The following ARL15 variants were observed in gnomAD, a reference collection of about 807,000 sequenced individuals.
The protein encoded by ARL15 is ARF like GTPase 15.
ARL15 carries 19 observed loss-of-function variants against 25.2 expected under a neutral mutation model. The observed-to-expected ratio is 0.75, with a 90% CI of 0.53 to 1.10. The LOEUF is 1.10. Ranked by LOEUF, ARL15 falls within the 50% of genes least tolerant of loss-of-function variation. The pLI is 0.00. For missense variants in ARL15, 220 were observed against 246.0 expected, an observed-to-expected ratio of 0.89 and a Z score of 0.71; for synonymous variants, 94 against 86.8, an observed-to-expected ratio of 1.08 and a Z score of -0.46.
At chr5:53,914,242 G>A (rs1745558565) in intron 4 of ARL15, among the ~76,000 whole-genome samples, 1 of 151,910 alleles carries the variant, frequency 6.6e-6, no homozygotes, top group Admixed American at 6.6e-5. Flanking sequence ...AAAGCTTGGT[G>A]GTATAGCAGT....
intron 1 of ARL15, among the ~76,000 whole-genome samples, chr5:54,260,814 A>G (rs28379683): frequency 1.2e-3 from 176 of 152,276 alleles, no homozygotes; most frequent in African/African-American, 4.0e-3. Flanking sequence ...AGGACAAGTG[A>G]CAAATGTGTC....
At chr5:54,263,830 C>T (rs1333211533) in intron 1 of ARL15, among the ~76,000 whole-genome samples, 2 of 152,038 alleles carry the variant, frequency 1.3e-5, no homozygotes, top group Non-Finnish European at 2.9e-5. Flanking sequence ...ATGGCACCTC[C>T]AACTCACACA....
In ARL15 at chr5:54,220,872, G is replaced by A. The variant is rs146269047; in HGVS notation, c.49-48944C>T. On this transcript the variant is annotated intron_variant, in intron 1 of 4. Coordinates refer to ENST00000504924, the MANE Select transcript of ARL15 (RefSeq NM_019087.3). ...GGTGAGATCCGCAGTGCCGACTCTCGTCCTGGCACTAAGATAGATAAGTCC... is the reference window on the plus strand; with the variant it reads ...GGTGAGATCCGCAGTGCCGACTCTCATCCTGGCACTAAGATAGATAAGTCC... 5.2e-3 allele frequency among the ~76,000 whole-genome samples: 785 copies of A among 151,958 alleles called. 6 individuals carry two copies. Among genetic ancestry groups the A allele is most frequent in the African/African-American group, 0.018 (733 of 41,464 alleles).
chr5:54,068,330 C>G (rs1225355043), intron 4 of ARL15, among the ~76,000 whole-genome samples: 1 of 152,186 alleles, frequency 6.6e-6, no homozygotes, highest in African/African-American at 2.4e-5. Context: ...CACCAAGGAA[C>G]AGAAAGCACA....
At chr5:54,022,395 G>T (rs1181511176) in intron 4 of ARL15, among the ~76,000 whole-genome samples, 1 of 151,950 alleles carries the variant, frequency 6.6e-6, no homozygotes, top group Non-Finnish European at 1.5e-5. Context: ...GTGCAGGAAG[G>T]TGCTTTCTCT....
chr5:54,062,202 G>T (rs1751089561), intron 4 of ARL15, among the ~76,000 whole-genome samples: 1 of 152,148 alleles, frequency 6.6e-6, no homozygotes, highest in Admixed American at 6.5e-5. Context: ...TGATTTTACA[G>T]GCTCATAGGT....
chr5:54,146,833 T>A (rs1438491878), intron 3 of ARL15, among the ~76,000 whole-genome samples: 2 of 152,134 alleles, frequency 1.3e-5, no homozygotes, highest in East Asian at 3.9e-4. Context: ...AGTGGACCCT[T>A]AAGTGCTATA....
chr5:54,229,165 CTAGATCATCCAACTA>C (rs1376677899), intron 1 of ARL15, among the ~76,000 whole-genome samples: 1 of 152,188 alleles, frequency 6.6e-6, no homozygotes, highest in Non-Finnish European at 1.5e-5. Context: ...TTCCTTTACA[CTAGATCATCCAACTA>C]TAGCCTTCCT....
At chr5:54,190,178 G>A (rs953002492) in intron 1 of ARL15, among the ~76,000 whole-genome samples, 1 of 152,074 alleles carries the variant, frequency 6.6e-6, no homozygotes, top group Non-Finnish European at 1.5e-5. Flanking sequence ...ATCACTTGAG[G>A]TCAGGAGTTC....
intron 4 of ARL15, among the ~76,000 whole-genome samples, chr5:54,071,510 T>TTCCCCCCCCCCCCCCCCCCCCCCCC (rs1751417503): frequency 1.6e-5 from 1 of 64,054 alleles, no homozygotes; most frequent in Non-Finnish European, 2.9e-5. Flanking sequence ...CCACCGCCTT[T>TTCCCCCCCCCCCCCCCCCCCCCCCC]CCCCCCCCCC....
At chr5:54,144,842 G>A (rs545260292) in intron 3 of ARL15, among the ~76,000 whole-genome samples, 1 of 152,164 alleles carries the variant, frequency 6.6e-6, no homozygotes, top group African/African-American at 2.4e-5. Flanking sequence ...TAGTTTGTGG[G>A]TAAACACAGC....
intron 1 of ARL15, among the ~76,000 whole-genome samples, chr5:54,253,452 T>TA (rs1757290528): frequency 6.6e-6 from 1 of 152,118 alleles, no homozygotes; most frequent in Admixed American, 6.5e-5. Flanking sequence ...GAAGAACTGA[T>TA]AAAAACAAAG....
intron 1 of ARL15, among the ~76,000 whole-genome samples, chr5:54,225,312 G>A (rs1338182629): frequency 1.3e-5 from 2 of 152,172 alleles, no homozygotes; most frequent in African/African-American, 4.8e-5. Flanking sequence ...GAGAAGCAAA[G>A]CGCCTTTATC....
chr5:54,009,166 A>G (rs2111771508), intron 4 of ARL15, among the ~76,000 whole-genome samples: 1 of 152,330 alleles, frequency 6.6e-6, no homozygotes, highest in Non-Finnish European at 1.5e-5. Flanking sequence ...GACAGCCTAA[A>G]TGAAAGATCT....
chr5:54,070,405 T>G (rs1292826563), intron 4 of ARL15, among the ~76,000 whole-genome samples: 1 of 149,138 alleles, frequency 6.7e-6, no homozygotes, highest in Admixed American at 6.7e-5. Context: ...AAAAAAAAAG[T>G]TGGTTTGGCT....
chr5:54,288,890 A>C (rs1758248982), intron 1 of ARL15, among the ~76,000 whole-genome samples: 1 of 152,228 alleles, frequency 6.6e-6, no homozygotes, highest in Non-Finnish European at 1.5e-5. Context: ...TGCATGGCAG[A>C]AACCTATCAA....
intron 1 of ARL15, among the ~76,000 whole-genome samples, chr5:54,184,737 T>G (rs2112441219): frequency 1.3e-5 from 2 of 152,142 alleles, no homozygotes; most frequent in Non-Finnish European, 2.9e-5. Context: ...TGGAGCTCAG[T>G]CCCATATATT....
chr5:54,209,558 G>A (rs959144228), intron 1 of ARL15, among the ~76,000 whole-genome samples: 1 of 151,898 alleles, frequency 6.6e-6, no homozygotes. Context: ...CAAGAAATAT[G>A]GACTAGAATT....
chr5:54,241,676 C>T lies in ARL15; in HGVS notation c.48+68756G>A, dbSNP rs572429344. Among the ~76,000 whole-genome samples the T allele has an allele frequency of 4.6e-5, 7 of 152,140 alleles. No individual in the cohort carries two copies. The South Asian group carries it at 1.5e-3, about 32-fold the overall frequency. On this transcript the variant is annotated intron_variant, in intron 1 of 4. Coordinates refer to ENST00000504924, the MANE Select transcript of ARL15 (RefSeq NM_019087.3). Reference sequence around the variant, plus strand: ...TTAAAAATAACTAATTATATAATTCCGTGTTGAATCCGATTCCTTATATAA... The same window carrying T: ...TTAAAAATAACTAATTATATAATTCTGTGTTGAATCCGATTCCTTATATAA...
Sources: gnomAD v4.1 joint callset for allele counts (sites outside exome capture counted in the v4.1 genomes callset) on GRCh38, gnomAD v4.1.1 for gene constraint, MANE v1.5 for transcripts, NCBI Gene and HGNC (gene_info 2026-07-23, HGNC 2026-07-21) for gene names.